Variants in PCDHGA5 observed in about 807,000 individuals in gnomAD.
The protein encoded by PCDHGA5 is protocadherin gamma-A5.
Under a neutral mutation model 56.7 loss-of-function variants are expected in PCDHGA5, and 36 were observed. That is an observed-to-expected ratio of 0.64 (90% CI 0.49 to 0.84). The LOEUF (loss-of-function observed/expected upper bound fraction) is 0.84, where lower values mean the gene tolerates loss of function less well. PCDHGA5 is among the 40% of genes least tolerant of loss of function. The pLI is 0.00. For synonymous variants in PCDHGA5, 563 were observed against 520.2 expected, an observed-to-expected ratio of 1.08 and a Z score of -1.12; for missense variants, 1,305 against 1,201.5, an observed-to-expected ratio of 1.09 and a Z score of -1.27.
chr5:141,431,393 C>T lies in PCDHGA5; in HGVS notation c.2422-63414C>T, dbSNP rs1485575362. 5 of 1,613,884 alleles carry T rather than the reference C, an allele frequency of 3.1e-6. No individual in the cohort carries two copies. Among genetic ancestry groups the T allele is most frequent in the Non-Finnish European group, 4.2e-6 (5 of 1,180,048 alleles). On this transcript the variant is annotated intron_variant, in intron 1 of 3. Coordinates refer to ENST00000518069, the MANE Select transcript of PCDHGA5 (RefSeq NM_018918.3). The surrounding 1 kb of genome is among the most constrained non-coding windows in gnomAD (Gnocchi z 4.8). ...AGAAAAGGCTGCTCACCACCTGGTC[C>T]TTACGGCCTCCGACGGGGGCGACCC...
At position 141,383,693 on chromosome 5, in the gene PCDHGA5, A is replaced by G. The variant is rs771447649; in HGVS notation, c.2421+16942A>G. 6 of 1,613,930 alleles carry G rather than the reference A, an allele frequency of 3.7e-6. No individual in the cohort carries two copies. The African/African-American group carries it at 4.0e-5, about 11-fold the overall frequency. On this transcript the variant is annotated intron_variant, in intron 1 of 3. Coordinates refer to ENST00000518069, the MANE Select transcript of PCDHGA5 (RefSeq NM_018918.3). Reference sequence around the variant, plus strand: ...GTGGGTACAAGACTGCTCACGGTACATGCTATCGACCTGGACGAGGGAGTC... The same window carrying G: ...GTGGGTACAAGACTGCTCACGGTACGTGCTATCGACCTGGACGAGGGAGTC...
At chr5:141,478,137 G>C (rs762316494) in intron 1 of PCDHGA5, 1 of 1,613,872 alleles carries the variant, frequency 6.2e-7, no homozygotes, top group South Asian at 1.1e-5. Context: ...CCTGAAGCCC[G>C]AGCCGAGTTC....
intron 1 of PCDHGA5, chr5:141,428,225 A>G (rs775012950): frequency 4.3e-6 from 5 of 1,156,574 alleles, no homozygotes; most frequent in Non-Finnish European, 6.3e-6. Flanking sequence ...GTCTTCGCAG[A>G]CAGCCTGCAG....
rs774963460 is a variant in PCDHGA5, at chr5:141,366,221, G to T, written c.1891G>T (p.Ala631Ser). Reference protein sequence around the residue: ...LHTGEVRTARALLDRDALKQS... With the variant: ...LHTGEVRTARSLLDRDALKQS... ...CACGGGCGAGGTGCGCACAGCGCGA[G>T]CCCTGCTGGACAGAGACGCGCTCAA... The change falls in exon 1 of 4, where the codon GCC (alanine) becomes TCC (serine). Residue 631 changes from alanine (A) to serine (S), a missense_variant. Transcript: ENST00000518069. 4 of 1,613,716 alleles carry T rather than the reference G, an allele frequency of 2.5e-6. No homozygotes were observed. The highest frequency in any genetic ancestry group is 2.7e-5 in the African/African-American group (2 of 74,964).
Position 141,498,971 on chromosome 5 carries a change from GGGAAGGAAGGAAGGAAGGAAGGAA to G in PCDHGA5, c.2480+4140_2480+4163del, listed in dbSNP as rs201769957. 5.1e-3 allele frequency among the ~76,000 whole-genome samples: 569 copies of G among 111,048 alleles called. 6 individuals carry two copies. Among genetic ancestry groups the G allele is most frequent in the South Asian group, 0.024 (65 of 2,658 alleles). 72.9% of individuals were successfully genotyped at this position (111,048 alleles called of 152,430 possible). A position where few individuals can be genotyped will look rare whatever the true frequency, so the allele number is the denominator to read the frequency against. On this transcript the variant is annotated intron_variant, in intron 2 of 3. Coordinates refer to ENST00000518069, the MANE Select transcript of PCDHGA5 (RefSeq NM_018918.3). ...AAAAAGAGAGAGAGGGAGGGAGGGA[GGGAAGGAAGGAAGGAAGGAAGGAA>G]GGAAGGAAGGAAGGAAGGAAGGAAG...
At chr5:141,510,816 A>G (rs1478938067) in intron 3 of PCDHGA5, 131 bp from the exon 4 acceptor site, 2 of 1,547,282 alleles carry the variant, frequency 1.3e-6, no homozygotes, top group Non-Finnish European at 1.8e-6. Context: ...GGTGACCCCT[A>G]TATTCCCAGT....
In PCDHGA5 at chr5:141,489,984, T is replaced by C; in HGVS notation, c.2422-4823T>C. The C allele has an allele frequency of 1.2e-6, 2 of 1,614,212 alleles. No homozygotes were observed. Among genetic ancestry groups the C allele is most frequent in the South Asian group, 1.1e-5 (1 of 91,090 alleles). ...CAACCTTCCAATCCTCAGTTCTACG[T>C]GTGGGAATCCCAGAGAATGCACCCA... On this transcript the variant is annotated intron_variant, in intron 1 of 3. Transcript: ENST00000518069. The surrounding 1 kb of genome is among the most constrained non-coding windows in gnomAD (Gnocchi z 4.5).
At position 141,422,880 on chromosome 5, in the gene PCDHGA5, G is replaced by C. The variant is rs970045921; in HGVS notation, c.2421+56129G>C. The C allele has an allele frequency of 7.4e-6, 12 of 1,614,140 alleles. No individual in the cohort carries two copies. In the Admixed American group the frequency reaches 2.0e-4, roughly 27 times the overall value. ...TCAGCAGCAACGTGTCGCTGAGCCT[G>C]TTCGTGCTGGACCAGAACGACAATG... On this transcript the variant is annotated intron_variant, in intron 1 of 3. Coordinates refer to ENST00000518069, the MANE Select transcript of PCDHGA5 (RefSeq NM_018918.3).
rs1763500298 is a variant in PCDHGA5 at position 141,364,720 on chromosome 5, C to T, written c.390C>T (p.Phe130=). The T allele has an allele frequency of 3.7e-6, 6 of 1,613,946 alleles. No individual in the cohort carries two copies. Among genetic ancestry groups the T allele is most frequent in the Non-Finnish European group, 5.1e-6 (6 of 1,179,870 alleles). The change falls in exon 1 of 4, where the codon TTC becomes TTT. Residue 130 remains phenylalanine, a synonymous_variant. Coordinates refer to ENST00000518069, the MANE Select transcript of PCDHGA5 (RefSeq NM_018918.3). ...AAATAATCGATATTAATGATAACTTCCCGCGTTTCCGGGATGAAGAGTTAA... is the reference window on the plus strand; with the variant it reads ...AAATAATCGATATTAATGATAACTTTCCGCGTTTCCGGGATGAAGAGTTAA... ...EVEIIDINDN[F]PRFRDEELKV... is the part of the protein sequence containing the mutation.
chr5:141,371,949 G>A lies in PCDHGA5; in HGVS notation c.2421+5198G>A, dbSNP rs376332279. ...GAGCGGGGTGGTGTTCGCGCAGCGA[G>A]CCTTCGACCACGAGCAGCTGCGTGC... is the stretch of plus-strand genomic sequence containing the variant. On this transcript the variant is annotated intron_variant, in intron 1 of 3. Coordinates refer to ENST00000518069, the MANE Select transcript of PCDHGA5 (RefSeq NM_018918.3). 4.6e-5 allele frequency: 74 copies of A among 1,613,184 alleles called. No homozygotes were observed. The African/African-American group carries it at 9.1e-4, about 20-fold the overall frequency.
chr5:141,442,751 T>G (rs756672976), intron 1 of PCDHGA5, among the ~76,000 whole-genome samples: 1 of 152,196 alleles, frequency 6.6e-6, no homozygotes, highest in Non-Finnish European at 1.5e-5. Context: ...CATGTTTTGA[T>G]TATATATATT....
At chr5:141,428,606 A>G (rs1270096118) in intron 1 of PCDHGA5, 4 of 216,044 alleles carry the variant, frequency 1.9e-5, no homozygotes, top group Admixed American at 1.6e-4. Context: ...TTCACTGAAG[A>G]GAATAACAAG....
chr5:141,465,966 C>CA (rs2099113454), intron 1 of PCDHGA5, among the ~76,000 whole-genome samples: 1 of 151,802 alleles, frequency 6.6e-6, no homozygotes, highest in Non-Finnish European at 1.5e-5. Flanking sequence ...ACTAAAAATA[C>CA]AAAAAATTAG....
chr5:141,382,175 C>G (rs1273619481), intron 1 of PCDHGA5, among the ~76,000 whole-genome samples: 3 of 152,028 alleles, frequency 2.0e-5, no homozygotes, highest in Non-Finnish European at 2.9e-5. Context: ...TAGACCGTCT[C>G]TAAGGTTCTA....
intron 2 of PCDHGA5, among the ~76,000 whole-genome samples, chr5:141,496,565 T>C (rs2099769541): frequency 6.6e-6 from 1 of 152,136 alleles, no homozygotes; most frequent in African/African-American, 2.4e-5. Context: ...CACAGTCCTG[T>C]CACCCATTTT....
intron 1 of PCDHGA5, among the ~76,000 whole-genome samples, chr5:141,437,741 CT>C (rs35124340): frequency 3.0e-3 from 425 of 141,590 alleles, no homozygotes; most frequent in African/African-American, 3.7e-3. Context: ...TTGAGTTCAC[CT>C]TTTTTTTTTT....
chr5:141,390,020 C>A, intron 1 of PCDHGA5: 2 of 1,614,048 alleles, frequency 1.2e-6, no homozygotes, highest in Non-Finnish European at 1.7e-6. Flanking sequence ...TTGCCTTGCG[C>A]CTGCGACGCT....
At chr5:141,441,655 C>A in intron 1 of PCDHGA5, 1 of 247,430 alleles carries the variant, frequency 4.0e-6, no homozygotes. Context: ...TTCTAGGTGT[C>A]CTTGAGCGCA....
intron 1 of PCDHGA5, among the ~76,000 whole-genome samples, chr5:141,387,296 C>T (rs2090893790): frequency 6.6e-6 from 1 of 152,134 alleles, no homozygotes; most frequent in Non-Finnish European, 1.5e-5. Flanking sequence ...TAAAATGTAT[C>T]CAGTATATTT....
Sources: allele counts gnomAD v4.1 joint callset (sites outside exome capture counted in the v4.1 genomes callset), GRCh38; gene constraint gnomAD v4.1.1; non-coding constraint Gnocchi (gnomAD v3.1); transcripts MANE v1.5; gene names NCBI Gene and HGNC (gene_info 2026-07-23, HGNC 2026-07-21).